Variants in B3GLCT observed in about 807,000 individuals in gnomAD.
B3GLCT encodes beta 3-glucosyltransferase.
B3GLCT carries 65 observed loss-of-function variants against 63.4 expected under a neutral mutation model. The ratio of observed to expected loss-of-function variants is 1.03; its 90% confidence interval spans 0.84 to 1.26. B3GLCT has a LOEUF of 1.26. Ranked by LOEUF, B3GLCT falls within the 50% of genes most tolerant of loss-of-function variation. The probability of loss-of-function intolerance (pLI) is 0.00; values close to 1 mark genes in which losing one functional copy is unlikely to be tolerated. For synonymous variants in B3GLCT, 233 were observed against 219.2 expected, an observed-to-expected ratio of 1.06 and a Z score of -0.55; for missense variants, 577 against 604.8, an observed-to-expected ratio of 0.95 and a Z score of 0.48.
chr13:31,294,524 C>G (rs1339105453), intron 12 of B3GLCT, among the ~76,000 whole-genome samples: 3 of 152,168 alleles, frequency 2.0e-5, no homozygotes, highest in Non-Finnish European at 2.9e-5. Flanking sequence ...TCTTTTTTCT[C>G]TAATCTTGTC....
intron 1 of B3GLCT, among the ~76,000 whole-genome samples, chr13:31,213,656 T>C (rs1039680191): frequency 2.6e-5 from 3 of 113,640 alleles, no homozygotes; most frequent in African/African-American, 3.4e-5. Context: ...TATAACTGTA[T>C]TCCTGCCCTT....
At position 31,316,407 on chromosome 13, in the gene B3GLCT, TTA is replaced by T. The variant is rs71099949; in HGVS notation, c.1065-1136_1065-1135del. Among the ~76,000 whole-genome samples, 186 of 40,866 alleles carry T rather than the reference TTA, an allele frequency of 4.6e-3. 26 individuals carry two copies. In the East Asian group the frequency reaches 0.052, roughly 11 times the overall value. 26.8% of individuals were successfully genotyped at this position (40,866 alleles called of 152,430 possible). On this transcript the variant is annotated intron_variant, in intron 12 of 14. Coordinates refer to ENST00000343307, the MANE Select transcript of B3GLCT (RefSeq NM_194318.4). The stretch of plus-strand genomic sequence containing the variant: ...TGGAATCAAGGAGATTTTGGAGGTT[TTA>T]TATATATATATATATATATATAAAT...
chr13:31,224,126 A>G (rs1869971169), intron 3 of B3GLCT, among the ~76,000 whole-genome samples: 1 of 152,112 alleles, frequency 6.6e-6, no homozygotes. Context: ...TTGGGCACGC[A>G]TATCTAGGGC....
At chr13:31,243,973 G>A (rs1407454991) in intron 4 of B3GLCT, among the ~76,000 whole-genome samples, 1 of 152,102 alleles carries the variant, frequency 6.6e-6, no homozygotes, top group Non-Finnish European at 1.5e-5. Context: ...GCCTGTTACG[G>A]CATTATCTCA....
At chr13:31,254,490 C>G (rs1871619391) in intron 6 of B3GLCT, among the ~76,000 whole-genome samples, 1 of 152,170 alleles carries the variant, frequency 6.6e-6, no homozygotes, top group Non-Finnish European at 1.5e-5. Context: ...TCTCAATAAA[C>G]TTGGCATTGA....
chr13:31,258,230 AC>A (rs1339677190), intron 6 of B3GLCT, among the ~76,000 whole-genome samples: 1 of 152,190 alleles, frequency 6.6e-6, no homozygotes, highest in Non-Finnish European at 1.5e-5. Context: ...CATGTTCAAA[AC>A]TGAACTCTCA....
At position 31,278,566 on chromosome 13, in the gene B3GLCT, T is replaced by G. The variant is rs186723621; in HGVS notation, c.850+1795T>G. ...AGTTTTCATATTTGGGTTTCTGTGG[T>G]AAGCCGTTTTTCAACTTGGATATGT... On this transcript the variant is annotated intron_variant, in intron 10 of 14. Transcript: ENST00000343307. 4.6e-5 allele frequency among the ~76,000 whole-genome samples: 7 copies of G among 152,344 alleles called. No homozygotes were observed. The East Asian group carries it at 1.2e-3, about 25-fold the overall frequency.
intron 6 of B3GLCT, among the ~76,000 whole-genome samples, chr13:31,250,576 A>G (rs1422934240): frequency 2.0e-5 from 3 of 152,258 alleles, no homozygotes; most frequent in Admixed American, 6.5e-5. Context: ...TTACCCTCAC[A>G]GTGTAAACAA....
At chr13:31,279,793 G>T (rs963291386) in intron 10 of B3GLCT, among the ~76,000 whole-genome samples, 2 of 152,188 alleles carry the variant, frequency 1.3e-5, no homozygotes, top group African/African-American at 4.8e-5. Context: ...GGAGACTGGG[G>T]CTTATTTCAT....
At chr13:31,241,722 A>T (rs1466605221) in intron 4 of B3GLCT, among the ~76,000 whole-genome samples, 2 of 151,808 alleles carry the variant, frequency 1.3e-5, no homozygotes, top group African/African-American at 4.9e-5. Context: ...ATGTAGTATA[A>T]GTTTGGTAGA....
chr13:31,243,429 T>C (rs544251484), intron 4 of B3GLCT, among the ~76,000 whole-genome samples: 1 of 152,320 alleles, frequency 6.6e-6, no homozygotes, highest in Admixed American at 6.5e-5. Context: ...TGCTGAATAA[T>C]TAAGGTTATT....
chr13:31,312,692 A>G (rs528350870), intron 12 of B3GLCT: 1 of 152,376 alleles, frequency 6.6e-6, no homozygotes, highest in Admixed American at 6.5e-5. Flanking sequence ...GAGCTGAGAA[A>G]GATCTGAAAT....
rs113210913 is a variant in B3GLCT, at chr13:31,316,259, C to T, written c.1065-1307C>T. ...CTTCCTCTGTGCACCTTGGAAAAGC[C>T]GCAAGCACTTAATACCAGCCTGTGA... On this transcript the variant is annotated intron_variant, in intron 12 of 14. Coordinates refer to ENST00000343307, the MANE Select transcript of B3GLCT (RefSeq NM_194318.4). Among the ~76,000 whole-genome samples, 652 of 151,204 alleles carry T rather than the reference C, an allele frequency of 4.3e-3. 7 individuals carry two copies. The highest frequency in any genetic ancestry group is 0.015 in the African/African-American group (618 of 41,248).
chr13:31,319,396 T>TA (rs1875215959), intron 13 of B3GLCT, among the ~76,000 whole-genome samples: 3 of 151,950 alleles, frequency 2.0e-5, no homozygotes, highest in Admixed American at 6.6e-5. Context: ...AGTCATAAAC[T>TA]CCCAGCCTCC....
intron 6 of B3GLCT, among the ~76,000 whole-genome samples, chr13:31,252,655 C>T (rs1022150196): frequency 3.3e-5 from 5 of 152,140 alleles, no homozygotes; most frequent in Non-Finnish European, 7.3e-5. Flanking sequence ...ATCAACACAA[C>T]AAGAAGAGCT....
chr13:31,326,812 A>G (rs1214622352), intron 14 of B3GLCT, among the ~76,000 whole-genome samples: 1 of 152,168 alleles, frequency 6.6e-6, no homozygotes, highest in Non-Finnish European at 1.5e-5. Flanking sequence ...ATGCTTTTCC[A>G]TTACCTCATT....
chr13:31,310,946 G>T (rs187251563), intron 12 of B3GLCT, among the ~76,000 whole-genome samples: 9 of 152,346 alleles, frequency 5.9e-5, no homozygotes, highest in Non-Finnish European at 1.3e-4. Flanking sequence ...AATAACATGA[G>T]CTAAGCATTG....
intron 4 of B3GLCT, among the ~76,000 whole-genome samples, chr13:31,244,963 ATGT>A (rs71756896): frequency 0.23 from 35,258 of 151,922 alleles, 4,200 homozygotes; most frequent in South Asian, 0.32. Flanking sequence ...AGCTTTTGAA[ATGT>A]TGTTATATGG....
chr13:31,202,483 T>C (rs1868727340), intron 1 of B3GLCT, among the ~76,000 whole-genome samples: 1 of 152,248 alleles, frequency 6.6e-6, no homozygotes, highest in African/African-American at 2.4e-5. Context: ...GATCCCGTTG[T>C]AGCAGAGATT....
Sources: gnomAD v4.1 joint callset for allele counts (sites outside exome capture counted in the v4.1 genomes callset) on GRCh38, gnomAD v4.1.1 for gene constraint, MANE v1.5 for transcripts, NCBI Gene and HGNC (gene_info 2026-07-23, HGNC 2026-07-21) for gene names.